Variants in GPATCH8 observed in about 807,000 individuals in gnomAD.
GPATCH8 encodes G patch domain-containing protein 8.
GPATCH8 carries 18 observed loss-of-function variants against 118.3 expected under a neutral mutation model. That is an observed-to-expected ratio of 0.15 (90% CI 0.11 to 0.23). GPATCH8 has a LOEUF of 0.23. GPATCH8 is among the 10% of genes least tolerant of loss of function. The pLI is 1.00. For missense variants in GPATCH8, 1,631 were observed against 1,873.8 expected (o/e 0.87, Z 2.39); for synonymous variants, 659 against 684.7 (o/e 0.96, Z 0.59).
At chr17:44,483,479 G>A (rs1310228938) in intron 1 of GPATCH8, among the ~76,000 whole-genome samples, 2 of 151,182 alleles carry the variant, frequency 1.3e-5, no homozygotes, top group Non-Finnish European at 2.9e-5. Flanking sequence ...TTGAACTCCT[G>A]ACCTTGTGAT....
At position 44,472,112 on chromosome 17, in the gene GPATCH8, T is replaced by C. The variant is rs192903771; in HGVS notation, c.120+2717A>G. On this transcript the variant is annotated intron_variant, in intron 2 of 7. Coordinates refer to ENST00000591680, the MANE Select transcript of GPATCH8 (RefSeq NM_001002909.4). ...ACTATCTCATCACAAATAATGCATA[T>C]ATTTATCTTTCAGAAGTAAATTTTC... Among the ~76,000 whole-genome samples the C allele has an allele frequency of 3.0e-4, 46 of 152,256 alleles. No homozygotes were observed. The East Asian group carries it at 8.7e-3, about 29-fold the overall frequency.
chr17:44,423,297 A>T (rs2049980483), intron 6 of GPATCH8, among the ~76,000 whole-genome samples: 3 of 152,230 alleles, frequency 2.0e-5, no homozygotes, highest in Admixed American at 2.0e-4. Context: ...TGTCTTGAAT[A>T]CAAGTCCATT....
chr17:44,414,726 T>TA (rs2049612685), intron 6 of GPATCH8, among the ~76,000 whole-genome samples: 1 of 152,186 alleles, frequency 6.6e-6, no homozygotes, highest in African/African-American at 2.4e-5. Flanking sequence ...CTCATACCCA[T>TA]AAGCAGTTAC....
chr17:44,473,989 G>A (rs1009377344), intron 2 of GPATCH8, among the ~76,000 whole-genome samples: 8 of 152,136 alleles, frequency 5.3e-5, no homozygotes, highest in African/African-American at 1.7e-4. Flanking sequence ...GAAGTGGGGG[G>A]CTTGTCATGA....
intron 3 of GPATCH8, among the ~76,000 whole-genome samples, chr17:44,443,743 A>G (rs2050780157): frequency 6.6e-6 from 1 of 152,180 alleles, no homozygotes; most frequent in Non-Finnish European, 1.5e-5. Flanking sequence ...ACCACGGCTC[A>G]CTGCAGCCTC....
At chr17:44,479,655 A>G (rs1216191185) in intron 1 of GPATCH8, among the ~76,000 whole-genome samples, 1 of 152,210 alleles carries the variant, frequency 6.6e-6, no homozygotes, top group African/African-American at 2.4e-5. Flanking sequence ...ACAACCCCAA[A>G]GCACAATCAA....
In GPATCH8 at chr17:44,419,658, A is replaced by AG. The variant is rs371885201; in HGVS notation, c.492+4690_492+4691insC. 3.1e-3 allele frequency among the ~76,000 whole-genome samples: 454 copies of AG among 145,014 alleles called. 3 individuals are homozygous for AG. Among genetic ancestry groups the AG allele is most frequent in the East Asian group, 7.7e-3 (38 of 4,956 alleles). On this transcript the variant is annotated intron_variant, in intron 6 of 7. Coordinates refer to ENST00000591680, the MANE Select transcript of GPATCH8 (RefSeq NM_001002909.4). The stretch of plus-strand genomic sequence containing the variant: ...CATGTGCGTGTCACCACATCAGGGT[A>AG]ATTTTTTTTTTTTTTTTAGAGAGAC...
intron 3 of GPATCH8, among the ~76,000 whole-genome samples, chr17:44,450,870 T>C (rs1343764602): frequency 1.3e-5 from 2 of 152,190 alleles, no homozygotes; most frequent in African/African-American, 4.8e-5. Flanking sequence ...AAATAGTTGG[T>C]TGCTTCTTTA....
intron 6 of GPATCH8, among the ~76,000 whole-genome samples, chr17:44,420,059 T>A (rs190799660): frequency 3.0e-4 from 45 of 150,540 alleles, no homozygotes; most frequent in Admixed American, 2.1e-3. Flanking sequence ...TTTTAATGCG[T>A]AAGATGAGCT....
chr17:44,435,960 C>T (rs1190184787), intron 4 of GPATCH8, among the ~76,000 whole-genome samples: 4 of 131,546 alleles, frequency 3.0e-5, no homozygotes, highest in Non-Finnish European at 4.6e-5. Context: ...ACCCGGGAGA[C>T]GGAGGTTGCA....
Position 44,397,578 on chromosome 17 carries a change from T to C in GPATCH8, c.4499A>G (p.His1500Arg), listed in dbSNP as rs2048822014. The change falls in exon 8 of 8, where the codon CAT (histidine) becomes CGT (arginine). Residue 1500 changes from histidine (H) to arginine (R), a missense_variant. By Grantham distance (29) the His-to-Arg change is conservative. Transcript: ENST00000591680. ...ATCCCATCCCCCAACTCACGTGCCA[T>C]GGCTGGGGGGATGTTGCAGGTCCTG... ...SGQDLQHPPS[H>R]GT 3.7e-6 allele frequency: 6 copies of C among 1,610,872 alleles called. No homozygotes were observed. The highest frequency in any genetic ancestry group is 3.4e-6 in the Non-Finnish European group (4 of 1,177,274).
At chr17:44,450,771 C>T (rs1208109914) in intron 3 of GPATCH8, among the ~76,000 whole-genome samples, 5 of 152,070 alleles carry the variant, frequency 3.3e-5, no homozygotes, top group African/African-American at 7.2e-5. Flanking sequence ...AAAATACCAA[C>T]GCTTCTCATG....
rs576371135 is a variant in GPATCH8 at position 44,475,871 on chromosome 17, A to AT, written c.46-969dup. On this transcript the variant is annotated intron_variant, in intron 1 of 7. Coordinates refer to ENST00000591680, the MANE Select transcript of GPATCH8 (RefSeq NM_001002909.4). ...TGAGACCCTGTTTCTACAAAAAAAAATTTTTTAATTAGCCACACATTGTGG... is the reference window on the plus strand; with the variant it reads ...TGAGACCCTGTTTCTACAAAAAAAAATTTTTTTAATTAGCCACACATTGTGG... 6.6e-5 allele frequency among the ~76,000 whole-genome samples: 10 copies of AT among 151,784 alleles called. No homozygotes were observed. In the South Asian group the frequency reaches 1.3e-3, roughly 19 times the overall value.
chr17:44,453,500 G>GGTGTGTGTGTGTGTGT lies in GPATCH8; in HGVS notation c.193+10956_193+10971dup, dbSNP rs56962134. Among the ~76,000 whole-genome samples the GGTGTGTGTGTGTGTGT allele has an allele frequency of 4.0e-3, 567 of 142,730 alleles. 11 individuals carry two copies. Among genetic ancestry groups the GGTGTGTGTGTGTGTGT allele is most frequent in the African/African-American group, 0.014 (519 of 36,890 alleles). The allele number at this position is 142,730 out of a possible 152,430, so 93.6% of individuals were successfully genotyped here. A position where few individuals can be genotyped will look rare whatever the true frequency, so the allele number is the denominator to read the frequency against. ...AGTTGTAGGTAGGTAGGTAGGTAGG[G>GGTGTGTGTGTGTGTGT]GTGTGTGTGTGTGTGTGTGTGTGTG... On this transcript the variant is annotated intron_variant, in intron 3 of 7. Transcript: ENST00000591680.
chr17:44,439,617 AAAAAC>A (rs963394074), intron 3 of GPATCH8, among the ~76,000 whole-genome samples: 3 of 152,300 alleles, frequency 2.0e-5, no homozygotes, highest in South Asian at 2.1e-4. Context: ...TGCAGCATTA[AAAAAC>A]AAAACAAAAC....
Position 44,401,094 on chromosome 17 carries a change from G to T in GPATCH8, c.983C>A (p.Ser328Tyr). The change falls in exon 8 of 8, where the codon TCT becomes TAT. Residue 328 changes from serine to tyrosine, a missense_variant. Coordinates refer to ENST00000591680, the MANE Select transcript of GPATCH8 (RefSeq NM_001002909.4). ...CTCATCGGGTTTTGTTCCATCTTCA[G>T]AGGTCCCTTCCTCCGCATGGTCCTT... ...VFKDHAEEGT[S>Y]EDGTKPDEKS... 1 of 1,614,126 alleles carries T rather than the reference G, an allele frequency of 6.2e-7. No individual in the cohort carries two copies. The highest frequency in any genetic ancestry group is 8.5e-7 in the Non-Finnish European group (1 of 1,179,996).
rs1292273659 is a variant in GPATCH8 at position 44,395,501 on chromosome 17, G to A, written c.*2067C>T. The A allele has an allele frequency of 2.2e-6, 1 of 454,552 alleles. No individual in the cohort carries two copies. Among genetic ancestry groups the A allele is most frequent in the Non-Finnish European group, 4.4e-6 (1 of 226,796 alleles). The allele number at this position is 454,552 out of a possible 1,614,324, so 28.2% of individuals were successfully genotyped here. ...GGCTCAATCTACAAGCTAATGGGAA[G>A]CAGCACGAAAATGTTAATACTGTAT... On this transcript the variant is annotated 3_prime_UTR_variant, in exon 8 of 8. Coordinates refer to ENST00000591680, the MANE Select transcript of GPATCH8 (RefSeq NM_001002909.4).
chr17:44,398,924 A>C lies in GPATCH8; in HGVS notation c.3153T>G (p.Asp1051Glu), dbSNP rs769862155. The C allele has an allele frequency of 5.6e-6, 9 of 1,614,012 alleles. No homozygotes were observed. The Middle Eastern group carries it at 4.9e-4, about 88-fold the overall frequency. ...CTTTACTGTCATCTCCTCTGCCATC[A>C]TCTTTCTTCCCAGGACCTTCTCCCC... ...SGRGEGPGKKDDGRGDDSKAT... is the reference protein window; with the variant it reads ...SGRGEGPGKKEDGRGDDSKAT... The change falls in exon 8 of 8, where the codon GAT becomes GAG. Residue 1051 changes from aspartate (D) to glutamate (E), a missense_variant. Asp to Glu is a conservative substitution (Grantham distance 45). Coordinates refer to ENST00000591680, the MANE Select transcript of GPATCH8 (RefSeq NM_001002909.4).
intron 6 of GPATCH8, among the ~76,000 whole-genome samples, chr17:44,413,233 T>C (rs1370823304): frequency 6.6e-6 from 1 of 152,194 alleles, no homozygotes; most frequent in Admixed American, 6.5e-5. Context: ...CAATTACAGA[T>C]AGTGAAAAAC....
Sources: allele counts gnomAD v4.1 joint callset (sites outside exome capture counted in the v4.1 genomes callset), GRCh38; gene constraint gnomAD v4.1.1; transcripts MANE v1.5; gene names NCBI Gene and HGNC (gene_info 2026-07-23, HGNC 2026-07-21).